Variants in NAALADL2 observed in about 807,000 individuals in gnomAD.
NAALADL2 encodes the protein inactive N-acetylated-alpha-linked acidic dipeptidase-like protein 2.
In NAALADL2, 76 loss-of-function variants were observed where a neutral mutation model predicts 87.2. That is an observed-to-expected ratio of 0.87 (90% CI 0.72 to 1.05). The LOEUF is 1.05. Ranked by LOEUF, NAALADL2 falls within the 50% of genes least tolerant of loss-of-function variation. NAALADL2 has a pLI of 0.00. For missense variants in NAALADL2, 1,089 were observed against 945.8 expected (o/e 1.15, Z -1.99); for synonymous variants, 354 against 331.0 (o/e 1.07, Z -0.75).
chr3:175,687,118 A>G (rs1332240382), intron 11 of NAALADL2, among the ~76,000 whole-genome samples: 1 of 152,198 alleles, frequency 6.6e-6, no homozygotes, highest in Non-Finnish European at 1.5e-5. Flanking sequence ...GCTATTATAA[A>G]TTCCTAAATG....
intron 2 of NAALADL2, among the ~76,000 whole-genome samples, chr3:174,582,151 T>A (rs188948051): frequency 6.6e-6 from 1 of 152,288 alleles, no homozygotes; most frequent in African/African-American, 2.4e-5. Context: ...AAGATTATCC[T>A]TTGGACTTAG....
At chr3:174,897,046 T>C (rs1480461951) in intron 1 of NAALADL2, among the ~76,000 whole-genome samples, 3 of 152,162 alleles carry the variant, frequency 2.0e-5, no homozygotes, top group Non-Finnish European at 4.4e-5. Context: ...AATCTAAGAC[T>C]TTAAACTATG....
At chr3:175,071,718 T>C (rs1715677670) in intron 1 of NAALADL2, among the ~76,000 whole-genome samples, 1 of 151,916 alleles carries the variant, frequency 6.6e-6, no homozygotes, top group Non-Finnish European at 1.5e-5. Context: ...GCTTAGGGTA[T>C]TTGTTGGAAG....
chr3:175,625,714 C>T (rs1015007532), intron 10 of NAALADL2, among the ~76,000 whole-genome samples: 2 of 151,898 alleles, frequency 1.3e-5, no homozygotes, highest in Admixed American at 1.3e-4. Context: ...GGTTTGAACC[C>T]GAGGTCTACC....
chr3:175,736,956 T>C (rs1011387046), intron 11 of NAALADL2, among the ~76,000 whole-genome samples: 1 of 152,206 alleles, frequency 6.6e-6, no homozygotes, highest in Non-Finnish European at 1.5e-5. Context: ...TGTTCCTCTT[T>C]ACTGTTTGTT....
At chr3:175,118,468 A>T (rs1195707341) in intron 2 of NAALADL2, among the ~76,000 whole-genome samples, 1 of 151,708 alleles carries the variant, frequency 6.6e-6, no homozygotes, top group African/African-American at 2.4e-5. Context: ...ACTATAAATT[A>T]TCACTTTGTA....
chr3:175,009,579 A>T (rs1195752502), intron 1 of NAALADL2, among the ~76,000 whole-genome samples: 1 of 152,218 alleles, frequency 6.6e-6, no homozygotes, highest in Non-Finnish European at 1.5e-5. Context: ...GGAAGAAGTT[A>T]AAATGATATC....
At chr3:175,233,904 A>C (rs756393148) in intron 2 of NAALADL2, 27 bp from the exon 3 acceptor site, 1 of 1,382,678 alleles carries the variant, frequency 7.2e-7, no homozygotes, top group Non-Finnish European at 1.0e-6. Flanking sequence ...CCTTTTTAAA[A>C]AAGTTTTCTT....
intron 1 of NAALADL2, among the ~76,000 whole-genome samples, chr3:174,861,981 C>T (rs1007434727): frequency 6.6e-6 from 1 of 151,582 alleles, no homozygotes; most frequent in African/African-American, 2.4e-5. Context: ...GCTTTTCAAA[C>T]ATAAAAAGGA....
chr3:174,527,118 T>C (rs763759793), intron 1 of NAALADL2, among the ~76,000 whole-genome samples: 2 of 152,224 alleles, frequency 1.3e-5, no homozygotes, highest in Non-Finnish European at 2.9e-5. Flanking sequence ...GTTTAAGTTG[T>C]GGTGAAGATG....
intron 11 of NAALADL2, among the ~76,000 whole-genome samples, chr3:175,699,635 TATTA>T (rs1229702024): frequency 6.6e-6 from 1 of 152,064 alleles, no homozygotes; most frequent in Non-Finnish European, 1.5e-5. Context: ...ATTGAACAAG[TATTA>T]ATTAAACACC....
chr3:174,854,132 G>T (rs146858637), intron 3 of NAALADL2, among the ~76,000 whole-genome samples: 3 of 152,206 alleles, frequency 2.0e-5, no homozygotes, highest in African/African-American at 7.2e-5. Context: ...ATCAATCTAA[G>T]TGTCCATCAA....
chr3:174,483,120 T>C (rs1717660083), intron 1 of NAALADL2, among the ~76,000 whole-genome samples: 1 of 152,054 alleles, frequency 6.6e-6, no homozygotes, highest in African/African-American at 2.4e-5. Flanking sequence ...CAGTTACCAG[T>C]TACCCTGGTA....
At chr3:175,475,021 A>ACAC (rs1382090444) in intron 9 of NAALADL2, among the ~76,000 whole-genome samples, 1 of 78,288 alleles carries the variant, frequency 1.3e-5, no homozygotes, top group Non-Finnish European at 2.6e-5. Flanking sequence ...ACAAACATTT[A>ACAC]AGTACACACA....
chr3:175,071,754 G>T (rs1432118301), intron 1 of NAALADL2, among the ~76,000 whole-genome samples: 1 of 151,576 alleles, frequency 6.6e-6, no homozygotes, highest in Non-Finnish European at 1.5e-5. Context: ...AGCATTTGAA[G>T]AAAAATGAGA....
At chr3:175,157,586 A>G (rs941720238) in intron 2 of NAALADL2, among the ~76,000 whole-genome samples, 1 of 152,110 alleles carries the variant, frequency 6.6e-6, no homozygotes, top group African/African-American at 2.4e-5. Flanking sequence ...CTTGATCTGG[A>G]CATCTATTCT....
intron 1 of NAALADL2, among the ~76,000 whole-genome samples, chr3:174,910,194 G>A (rs1733520428): frequency 6.6e-6 from 1 of 151,852 alleles, no homozygotes; most frequent in African/African-American, 2.4e-5. Flanking sequence ...GAGATCGTCA[G>A]AAGGTTAGAA....
At chr3:175,136,918 A>C (rs1394594514) in intron 2 of NAALADL2, among the ~76,000 whole-genome samples, 1 of 152,170 alleles carries the variant, frequency 6.6e-6, no homozygotes, top group Non-Finnish European at 1.5e-5. Flanking sequence ...GCAAGCTAAT[A>C]TTCTTTTGGG....
intron 11 of NAALADL2, among the ~76,000 whole-genome samples, chr3:175,659,881 T>A (rs138728468): frequency 7.9e-5 from 12 of 152,286 alleles, no homozygotes; most frequent in African/African-American, 2.9e-4. Context: ...GAATTCGGTT[T>A]TCAGTTGGGT....
Sources: allele counts gnomAD v4.1 joint callset (sites outside exome capture counted in the v4.1 genomes callset), GRCh38; gene constraint gnomAD v4.1.1; transcripts MANE v1.5; gene names NCBI Gene and HGNC (gene_info 2026-07-23, HGNC 2026-07-21).